KRT222: variants seen among roughly 807,000 people sequenced by gnomAD.
KRT222 encodes keratin 222.
Under a neutral mutation model 35.0 loss-of-function variants are expected in KRT222, and 23 were observed. The observed-to-expected ratio is 0.66, with a 90% CI of 0.47 to 0.93. The LOEUF (loss-of-function observed/expected upper bound fraction) is 0.93, where lower values mean the gene tolerates loss of function less well. Among genes scored for constraint, KRT222 ranks in the 40% least tolerant of loss-of-function variants. The pLI, the probability that KRT222 is intolerant of heterozygous loss-of-function variation, is 0.00. For missense variants in KRT222, 339 were observed against 346.3 expected (o/e 0.98, Z 0.17); for synonymous variants, 108 against 118.8 (o/e 0.91, Z 0.59).
intron 3 of KRT222, among the ~76,000 whole-genome samples, chr17:40,659,448 T>C (rs1297053180): frequency 2.6e-5 from 4 of 152,174 alleles, no homozygotes. Flanking sequence ...GTGCTGAGAT[T>C]ACAGGCGTGA....
chr17:40,656,259 T>C lies in KRT222; in HGVS notation c.*143A>G, dbSNP rs940530879. ...ATTCAGAGAAATGTCCTTTATTGTT[T>C]TTTTCTTCTGAAGAGAACCACATAT... On this transcript the variant is annotated 3_prime_UTR_variant, in exon 6 of 6. Coordinates refer to ENST00000394052, the MANE Select transcript of KRT222 (RefSeq NM_152349.3). 1 of 595,238 alleles carries C rather than the reference T, an allele frequency of 1.7e-6. No individual in the cohort carries two copies. The highest frequency in any genetic ancestry group is 3.0e-6 in the Non-Finnish European group (1 of 334,514). 36.9% of individuals were successfully genotyped at this position (595,238 alleles called of 1,614,324 possible). A position where few individuals can be genotyped will look rare whatever the true frequency, so the allele number is the denominator to read the frequency against.
rs758348567 is a variant in KRT222 at position 40,657,421 on chromosome 17, G to C, written c.590C>G (p.Thr197Arg). 1 of 1,610,828 alleles carries C rather than the reference G, an allele frequency of 6.2e-7. No individual in the cohort carries two copies. The highest frequency in any genetic ancestry group is 8.5e-7 in the Non-Finnish European group (1 of 1,178,658). ...PQKYENENVE[T>R]VTKQAILNGS... The stretch of plus-strand genomic sequence containing the variant: ...ATTTAAGATTGCCTGTTTGGTTACT[G>C]TTTCTACATTTTCATTCTCATACTT... Residue 197 changes from threonine (T) to arginine (R), a missense_variant, in exon 5 of 6, where the codon ACA (threonine) becomes AGA (arginine). Coordinates refer to ENST00000394052, the MANE Select transcript of KRT222 (RefSeq NM_152349.3).
In KRT222 at chr17:40,655,741, A is replaced by G. The variant is rs1157815203; in HGVS notation, c.*661T>C. 2.0e-5 allele frequency: 3 copies of G among 152,124 alleles called. No individual in the cohort carries two copies. Among genetic ancestry groups the G allele is most frequent in the African/African-American group, 7.2e-5 (3 of 41,432 alleles). The allele number at this position is 152,124 out of a possible 1,614,324, so 9.4% of individuals were successfully genotyped here. A position where few individuals can be genotyped will look rare whatever the true frequency, so the allele number is the denominator to read the frequency against. On this transcript the variant is annotated 3_prime_UTR_variant, in exon 6 of 6. Coordinates refer to ENST00000394052, the MANE Select transcript of KRT222 (RefSeq NM_152349.3). ...ATACTTATTACAAAAAAAACCTTTTAGATATATGTAGATTAACTTAATTGT... is the reference window on the plus strand; with the variant it reads ...ATACTTATTACAAAAAAAACCTTTTGGATATATGTAGATTAACTTAATTGT...
chr17:40,659,789 T>G (rs1181734068), intron 3 of KRT222, among the ~76,000 whole-genome samples, 198 bp downstream of exon 3: 2 of 152,344 alleles, frequency 1.3e-5, no homozygotes, highest in Non-Finnish European at 2.9e-5. Flanking sequence ...TGACTTTGGC[T>G]GTTTGGTTCC....
Position 40,656,642 on chromosome 17 carries a change from A to ATG in KRT222, c.660-13_660-12insCA. The ATG allele has an allele frequency of 6.8e-7, 1 of 1,468,420 alleles. No individual in the cohort carries two copies. Among genetic ancestry groups the ATG allele is most frequent in the East Asian group, 2.3e-5 (1 of 44,124 alleles). The allele number at this position is 1,468,420 out of a possible 1,614,324, so 91.0% of individuals were successfully genotyped here. ...CCACTTTCTCTGTCCTGAAATGATA[A>ATG]AATAAACCTTTTAATAATGAAGAAG... On this transcript the variant is annotated splice_polypyrimidine_tract_variant and intron_variant, in intron 5 of 5. Transcript: ENST00000394052.
chr17:40,662,073 C>T lies in KRT222; in HGVS notation c.97-29G>A, dbSNP rs771140917. ...ACAAGAAAGCCAACAGCAACAATAA[C>T]AAACAAAAAACAAGGAGTGCTTCTG... On this transcript the variant is annotated intron_variant, in intron 1 of 5. Coordinates refer to ENST00000394052, the MANE Select transcript of KRT222 (RefSeq NM_152349.3). The T allele has an allele frequency of 1.1e-5, 18 of 1,598,538 alleles. No homozygotes were observed. The Admixed American group carries it at 3.0e-4, about 27-fold the overall frequency.
chr17:40,663,212 C>T (rs751029329), intron 1 of KRT222, among the ~76,000 whole-genome samples: 3 of 152,152 alleles, frequency 2.0e-5, no homozygotes, highest in African/African-American at 2.4e-5. Flanking sequence ...TAAGCTTGTT[C>T]GGTAACTACA....
chr17:40,664,930 G>A (rs750271209), intron 1 of KRT222, 74 bp downstream of exon 1: 2 of 1,607,366 alleles, frequency 1.2e-6, no homozygotes, highest in South Asian at 2.2e-5. Flanking sequence ...ACCTCAGAGA[G>A]GCCGGGACAG....
Position 40,655,616 on chromosome 17 carries a change from T to C in KRT222, c.*786A>G, listed in dbSNP as rs2037338884. The C allele has an allele frequency of 6.6e-6, 1 of 152,170 alleles. No individual in the cohort carries two copies. Among genetic ancestry groups the C allele is most frequent in the Non-Finnish European group, 1.5e-5 (1 of 67,982 alleles). The allele number at this position is 152,170 out of a possible 1,614,324, so 9.4% of individuals were successfully genotyped here. The stretch of plus-strand genomic sequence containing the variant: ...AACTACCTTTTCAATTTGCTTTTCA[T>C]GTTTTGTTTGCGCAGTTGGCCTTCT... On this transcript the variant is annotated 3_prime_UTR_variant, in exon 6 of 6. Transcript: ENST00000394052.
intron 3 of KRT222, among the ~76,000 whole-genome samples, chr17:40,659,687 G>A (rs541266857): frequency 6.6e-6 from 1 of 152,230 alleles, no homozygotes; most frequent in African/African-American, 2.4e-5. Context: ...GCCTCCCAAA[G>A]TGCTGGGATT....
chr17:40,660,275 T>G, intron 2 of KRT222, 68 bp from the exon 3 acceptor site: 1 of 1,236,510 alleles, frequency 8.1e-7, no homozygotes, highest in Non-Finnish European at 1.1e-6. Context: ...TGATTTGCAA[T>G]ATCTTCATCT....
chr17:40,659,646 G>A (rs949082115), intron 3 of KRT222, among the ~76,000 whole-genome samples: 4 of 151,918 alleles, frequency 2.6e-5, no homozygotes, highest in African/African-American at 9.7e-5. Context: ...CTGGTATTGA[G>A]CTCCTGAGCT....
At position 40,657,700 on chromosome 17, in the gene KRT222, C is replaced by T; in HGVS notation, c.497G>A (p.Ser166Asn). The T allele has an allele frequency of 6.2e-7, 1 of 1,612,640 alleles. No individual in the cohort carries two copies. Among genetic ancestry groups the T allele is most frequent in the Non-Finnish European group, 8.5e-7 (1 of 1,179,296 alleles). Reference protein sequence around the residue: ...GGKKDKKPTTSRVGFVLPSAI... With the variant: ...GGKKDKKPTTNRVGFVLPSAI... ...TGATGGTAAAACAAAACCAACTCTACTTGTGGTAGGCTTTTTGTCTTTTTT... is the reference window on the plus strand; with the variant it reads ...TGATGGTAAAACAAAACCAACTCTATTTGTGGTAGGCTTTTTGTCTTTTTT... The change falls in exon 4 of 6, where the codon AGT (serine) becomes AAT (asparagine). Residue 166 changes from serine to asparagine, a missense_variant. By Grantham distance (46) the Ser-to-Asn change is conservative. Transcript: ENST00000394052.
At chr17:40,662,487 G>T (rs1452966504) in intron 1 of KRT222, among the ~76,000 whole-genome samples, 1 of 152,118 alleles carries the variant, frequency 6.6e-6, no homozygotes, top group East Asian at 1.9e-4. Context: ...GATCAATTCT[G>T]GGACCAGGTA....
chr17:40,658,028 A>C (rs2037357485), intron 3 of KRT222, among the ~76,000 whole-genome samples: 2 of 152,200 alleles, frequency 1.3e-5, no homozygotes, highest in Admixed American at 1.3e-4. Flanking sequence ...AATGTATGGG[A>C]CTAATAAGCA....
intron 1 of KRT222, among the ~76,000 whole-genome samples, chr17:40,663,531 C>T (rs1409793876): frequency 2.0e-5 from 3 of 152,224 alleles, no homozygotes; most frequent in South Asian, 2.1e-4. Context: ...GCCAGCCTTT[C>T]GGCAATGCCC....
At position 40,657,415 on chromosome 17, in the gene KRT222, G is replaced by T; in HGVS notation, c.596C>A (p.Thr199Asn). The T allele has an allele frequency of 6.2e-7, 1 of 1,610,966 alleles. No individual in the cohort carries two copies. Among genetic ancestry groups the T allele is most frequent in the Non-Finnish European group, 8.5e-7 (1 of 1,178,790 alleles). ...ACTCCCATTTAAGATTGCCTGTTTG[G>T]TTACTGTTTCTACATTTTCATTCTC... ...KYENENVETVTKQAILNGSIV... is the reference protein window; with the variant it reads ...KYENENVETVNKQAILNGSIV... Residue 199 changes from threonine to asparagine, a missense_variant, in exon 5 of 6, where the codon ACC becomes AAC. Thr to Asn is a moderately conservative substitution (Grantham distance 65). Coordinates refer to ENST00000394052, the MANE Select transcript of KRT222 (RefSeq NM_152349.3).
intron 4 of KRT222, 67 bp downstream of exon 4, chr17:40,657,607 C>CT: frequency 6.7e-7 from 1 of 1,501,286 alleles, no homozygotes; most frequent in Non-Finnish European, 9.1e-7. Context: ...ATTTAATTTC[C>CT]TTATAAAGTA....
chr17:40,659,879 C>CATG (rs201553361), intron 3 of KRT222, 108 bp downstream of exon 3: 15 of 871,610 alleles, frequency 1.7e-5, no homozygotes, highest in East Asian at 1.4e-4. Flanking sequence ...GTGAGTACAC[C>CATG]ATGATGATGA....
Sources: gnomAD v4.1 joint callset for allele counts (sites outside exome capture counted in the v4.1 genomes callset) on GRCh38, gnomAD v4.1.1 for gene constraint, MANE v1.5 for transcripts, NCBI Gene and HGNC (gene_info 2026-07-23, HGNC 2026-07-21) for gene names.